Variants in AGT observed in about 807,000 individuals in gnomAD.
AGT encodes the protein angiotensinogen.
In AGT, 26 loss-of-function variants were observed where a neutral mutation model predicts 28.1. That is an observed-to-expected ratio of 0.92 (90% CI 0.68 to 1.28). The LOEUF is 1.28. Ranked by LOEUF, AGT falls within the 50% of genes most tolerant of loss-of-function variation. The pLI, the probability that AGT is intolerant of heterozygous loss-of-function variation, is 0.00. For missense variants in AGT, 596 were observed against 592.3 expected, an observed-to-expected ratio of 1.01 and a Z score of -0.06; for synonymous variants, 259 against 259.6, an observed-to-expected ratio of 1.00 and a Z score of 0.02.
chr1:230,711,151 G>C (rs1438057189), intron 1 of AGT, among the ~76,000 whole-genome samples: 1 of 152,168 alleles, frequency 6.6e-6, no homozygotes, highest in Non-Finnish European at 1.5e-5. Flanking sequence ...TTTGGAGACA[G>C]GATCTTTAAA....
intron 1 of AGT, among the ~76,000 whole-genome samples, chr1:230,732,547 C>T (rs533715332): frequency 2.0e-4 from 30 of 152,258 alleles, no homozygotes; most frequent in Admixed American, 1.3e-3. Context: ...AACTCAACTC[C>T]TAATAGCCCA....
chr1:230,719,481 C>T (rs1033572819), upstream of AGT, among the ~76,000 whole-genome samples: 5 of 148,414 alleles, frequency 3.4e-5, no homozygotes, highest in African/African-American at 1.0e-4. Flanking sequence ...GATCTCGGCT[C>T]ACTGCAAGCT....
At chr1:230,726,022 G>T (rs774667768) in intron 1 of AGT, among the ~76,000 whole-genome samples, 2 of 152,176 alleles carry the variant, frequency 1.3e-5, no homozygotes, top group African/African-American at 4.8e-5. Context: ...AATTCACAAT[G>T]TCTGGGGCTG....
At chr1:230,732,615 G>T (rs192765183) in intron 1 of AGT, among the ~76,000 whole-genome samples, 62 of 152,258 alleles carry the variant, frequency 4.1e-4, no homozygotes, top group Non-Finnish European at 6.3e-4. Context: ...TTTTTATGTC[G>T]TAGGTATTAA....
chr1:230,710,644 A>C lies in AGT; in HGVS notation c.180T>G (p.Pro60=). Reference sequence around the variant, plus strand: ...GGGATGTCTTGGCCTGAATTGGAGCAGGTATGAAGGTGGGGTCTTTGGGCT... The same window carrying C: ...GGGATGTCTTGGCCTGAATTGGAGCCGGTATGAAGGTGGGGTCTTTGGGCT... ...AGKPKDPTFI[P]APIQAKTSPV... Residue 60 remains proline, a synonymous_variant, in exon 2 of 5, where the codon CCT becomes CCG. Transcript: ENST00000366667. The C allele has an allele frequency of 6.2e-7, 1 of 1,614,240 alleles. No individual in the cohort carries two copies. The highest frequency in any genetic ancestry group is 8.5e-7 in the Non-Finnish European group (1 of 1,180,042).
intron 1 of AGT, among the ~76,000 whole-genome samples, chr1:230,744,826 G>A (rs1664314191): frequency 6.6e-6 from 1 of 152,218 alleles, no homozygotes; most frequent in Admixed American, 6.5e-5. Flanking sequence ...ACCCTTTACA[G>A]TTCTGGTCAG....
chr1:230,706,771 G>C lies in AGT; in HGVS notation c.830-571C>G, dbSNP rs1179771720. The stretch of plus-strand genomic sequence containing the variant: ...TGACACGTCCTCAGCACTCAAAGTT[G>C]ATAGTTTTCTTTGAGTCTCCCTCCT... On this transcript the variant is annotated intron_variant, in intron 2 of 4. Coordinates refer to ENST00000366667, the MANE Select transcript of AGT (RefSeq NM_001384479.1). Among the ~76,000 whole-genome samples the C allele has an allele frequency of 3.3e-5, 5 of 152,268 alleles. No individual in the cohort carries two copies. The East Asian group carries it at 9.7e-4, about 29-fold the overall frequency.
At chr1:230,719,076 A>G (rs985786137), upstream of AGT, among the ~76,000 whole-genome samples, 5 of 152,138 alleles carry the variant, frequency 3.3e-5, no homozygotes, top group Non-Finnish European at 7.3e-5. Context: ...TGTATACAGT[A>G]TGCCAAATCT....
chr1:230,732,365 G>A (rs1198583110), intron 1 of AGT, among the ~76,000 whole-genome samples: 1 of 151,974 alleles, frequency 6.6e-6, no homozygotes, highest in Non-Finnish European at 1.5e-5. Flanking sequence ...ACAGTGTCTG[G>A]CCAGAGGTAG....
At chr1:230,744,541 G>C (rs541611024) in intron 1 of AGT, among the ~76,000 whole-genome samples, 9 of 152,272 alleles carry the variant, frequency 5.9e-5, no homozygotes, top group Non-Finnish European at 1.0e-4. Context: ...AGAGTGTTAG[G>C]GGGCAGGAGG....
intron 3 of AGT, among the ~76,000 whole-genome samples, chr1:230,705,500 C>T (rs1007730954): frequency 5.3e-5 from 8 of 152,166 alleles, no homozygotes; most frequent in Non-Finnish European, 8.8e-5. Flanking sequence ...GGGACGCTCC[C>T]TGAGAAGGCC....
At chr1:230,713,821 G>A (rs58003574) in intron 1 of AGT, among the ~76,000 whole-genome samples, 24 of 152,258 alleles carry the variant, frequency 1.6e-4, no homozygotes, top group African/African-American at 5.8e-4. Flanking sequence ...AGTCTGCTCC[G>A]TTCCTGAGGA....
upstream of AGT, among the ~76,000 whole-genome samples, chr1:230,718,119 A>T (rs918012113): frequency 6.6e-5 from 10 of 151,956 alleles, no homozygotes; most frequent in African/African-American, 2.4e-4. Context: ...TTTTATTTTT[A>T]TTTTTTGTAG....
At chr1:230,741,731 C>A (rs1664252005) in intron 1 of AGT, among the ~76,000 whole-genome samples, 2 of 152,134 alleles carry the variant, frequency 1.3e-5, no homozygotes, top group Non-Finnish European at 2.9e-5. Context: ...GGGTGAAGAT[C>A]TAGTTCTCAT....
At chr1:230,706,278 G>T (rs1663385899) in intron 2 of AGT, 78 bp from the exon 3 acceptor site, 2 of 1,507,484 alleles carry the variant, frequency 1.3e-6, no homozygotes, top group Admixed American at 1.9e-5. Flanking sequence ...GACACCAAAG[G>T]CCCAGATCCT....
rs1227429300 is a variant in AGT, at chr1:230,703,249, C to G, written c.1323G>C (p.Glu441Asp). ...GGCGGTTCAGGGTCACCTCCAAGAC[C>G]TCAGGCTTGTTAAGCTGTTGGGTAG... ...TESTQQLNKP[E>D]VLEVTLNRPF... The change falls in exon 5 of 5, where the codon GAG becomes GAC. Residue 441 changes from glutamate to aspartate, a missense_variant. Glu to Asp is a conservative substitution (Grantham distance 45). Transcript: ENST00000366667. The G allele has an allele frequency of 6.2e-7, 1 of 1,614,204 alleles. No homozygotes were observed. The highest frequency in any genetic ancestry group is 1.3e-5 in the African/African-American group (1 of 75,058).
intron 2 of AGT, 76 bp downstream of exon 2, chr1:230,709,919 G>A: frequency 6.2e-7 from 1 of 1,602,216 alleles, no homozygotes. Context: ...CCATCTCCAA[G>A]GCCTGACTGG....
intron 2 of AGT, among the ~76,000 whole-genome samples, chr1:230,709,571 A>G (rs1663510719): frequency 6.6e-6 from 1 of 152,098 alleles, no homozygotes; most frequent in African/African-American, 2.4e-5. Context: ...GACCTTCTCA[A>G]GAGATATGAA....
chr1:230,706,240 A>C, intron 2 of AGT, 40 bp from the exon 3 acceptor site: 1 of 1,606,600 alleles, frequency 6.2e-7, no homozygotes, highest in South Asian at 1.1e-5. Context: ...AGAGTCACCC[A>C]AGACAGGGGC....
Sources: gnomAD v4.1 joint callset for allele counts (sites outside exome capture counted in the v4.1 genomes callset) on GRCh38, gnomAD v4.1.1 for gene constraint, MANE v1.5 for transcripts, NCBI Gene and HGNC (gene_info 2026-07-23, HGNC 2026-07-21) for gene names.